Variants in ZFP64 observed in about 807,000 individuals in gnomAD.
ZFP64 encodes ZFP64 zinc finger protein.
A neutral mutation model predicts 51.6 loss-of-function variants in ZFP64; 14 were observed. The observed-to-expected ratio is 0.27, with a 90% confidence interval of 0.18 to 0.42. ZFP64 has a LOEUF of 0.42. Ranked by LOEUF, ZFP64 falls within the 10% of genes least tolerant of loss-of-function variation. The pLI, the probability that ZFP64 is intolerant of heterozygous loss-of-function variation, is 1.00. For missense variants in ZFP64, 754 were observed against 906.8 expected (o/e 0.83, Z 2.16); for synonymous variants, 375 against 361.4 (o/e 1.04, Z -0.43).
intron 5 of ZFP64, among the ~76,000 whole-genome samples, chr20:52,156,696 C>T (rs948934346): frequency 6.6e-6 from 1 of 152,182 alleles, no homozygotes; most frequent in Non-Finnish European, 1.5e-5. Context: ...AAGGGTGACG[C>T]TGTAACAGAA....
intron 5 of ZFP64, among the ~76,000 whole-genome samples, chr20:52,145,426 G>T (rs762087120): frequency 3.0e-4 from 46 of 152,184 alleles, no homozygotes; most frequent in Admixed American, 1.9e-3. Context: ...GCTTAGGTGG[G>T]TGGATCACTT....
chr20:52,142,165 G>A (rs774953410), intron 5 of ZFP64, among the ~76,000 whole-genome samples: 2 of 152,024 alleles, frequency 1.3e-5, no homozygotes, highest in African/African-American at 4.8e-5. Flanking sequence ...TCAGGAGTTC[G>A]AGACCAGTCT....
At chr20:52,146,443 A>G (rs547594185), downstream of ZFP64, among the ~76,000 whole-genome samples, 598 of 151,816 alleles carry the variant, frequency 3.9e-3, 4 homozygotes, top group African/African-American at 0.014. Flanking sequence ...CATGGATGAA[A>G]TTGGAAATCA....
At chr20:52,108,354 T>C (rs1687084662) in intron 5 of ZFP64, among the ~76,000 whole-genome samples, 1 of 152,232 alleles carries the variant, frequency 6.6e-6, no homozygotes, top group African/African-American at 2.4e-5. Context: ...GCATTTTCCA[T>C]GTAGGTATAA....
intron 5 of ZFP64, among the ~76,000 whole-genome samples, chr20:52,158,294 G>A (rs567029068): frequency 6.6e-6 from 1 of 152,276 alleles, no homozygotes; most frequent in South Asian, 2.1e-4. Context: ...GGGAGATCAC[G>A]CAATTGTGGT....
chr20:52,098,690 C>A, intron 5 of ZFP64: 1 of 1,479,748 alleles, frequency 6.8e-7, no homozygotes, highest in Non-Finnish European at 9.2e-7. Flanking sequence ...TTCACCTTTC[C>A]AGAAAAAATT....
chr20:52,167,904 C>A (rs1982413121), intron 2 of ZFP64, among the ~76,000 whole-genome samples: 1 of 152,170 alleles, frequency 6.6e-6, no homozygotes, highest in Non-Finnish European at 1.5e-5. Flanking sequence ...AGTTTGTTTT[C>A]TCTTAAACAC....
chr20:52,089,497 T>G (rs1324994517), intron 7 of ZFP64, among the ~76,000 whole-genome samples: 1 of 152,226 alleles, frequency 6.6e-6, no homozygotes, highest in Non-Finnish European at 1.5e-5. Context: ...TTCCAGTGCT[T>G]TGGGGGGCTG....
chr20:52,177,873 A>G (rs1983346891), intron 2 of ZFP64, among the ~76,000 whole-genome samples: 1 of 152,020 alleles, frequency 6.6e-6, no homozygotes, highest in Non-Finnish European at 1.5e-5. Flanking sequence ...ACTACTAAAA[A>G]ATACAAAAAT....
At chr20:52,099,070 C>T (rs548817238) in intron 5 of ZFP64, among the ~76,000 whole-genome samples, 13 of 150,774 alleles carry the variant, frequency 8.6e-5, no homozygotes, top group Non-Finnish European at 1.2e-4. Flanking sequence ...CCCCTTACTA[C>T]GGTTTCCAAG....
intron 1 of ZFP64, among the ~76,000 whole-genome samples, chr20:52,189,263 G>A (rs1374947194): frequency 6.6e-6 from 1 of 151,786 alleles, no homozygotes; most frequent in Non-Finnish European, 1.5e-5. Flanking sequence ...GGGTGTGGTG[G>A]CACGTGCCAG....
intron 5 of ZFP64, among the ~76,000 whole-genome samples, chr20:52,133,366 C>A (rs1979813352): frequency 6.6e-6 from 1 of 151,408 alleles, no homozygotes; most frequent in Admixed American, 6.6e-5. Flanking sequence ...AGCAATTGGA[C>A]AAGAGAAAGA....
intron 5 of ZFP64, chr20:52,110,619 G>T: frequency 2.1e-6 from 2 of 938,352 alleles, no homozygotes; most frequent in Admixed American, 2.4e-5. Context: ...CAGAGGCCCT[G>T]ATGAACTCCT....
intron 5 of ZFP64, among the ~76,000 whole-genome samples, chr20:52,139,456 C>A (rs1043574998): frequency 2.6e-5 from 4 of 152,048 alleles, no homozygotes; most frequent in Non-Finnish European, 5.9e-5. Flanking sequence ...ACATTGAGTA[C>A]CCGTGGACAC....
At chr20:52,139,362 C>A (rs1980142064) in intron 5 of ZFP64, among the ~76,000 whole-genome samples, 1 of 152,174 alleles carries the variant, frequency 6.6e-6, no homozygotes, top group Admixed American at 6.6e-5. Flanking sequence ...AACATAGATG[C>A]AGCTGGAGGT....
intron 5 of ZFP64, chr20:52,105,507 A>C (rs1978307586): frequency 2.4e-6 from 1 of 416,412 alleles, no homozygotes; most frequent in Non-Finnish European, 3.9e-6. Flanking sequence ...GCTCTACCCC[A>C]GACCCGCTGA....
chr20:52,112,625 T>TTTTTTC (rs1555881122), intron 5 of ZFP64, among the ~76,000 whole-genome samples: 129 of 150,148 alleles, frequency 8.6e-4, no homozygotes, highest in South Asian at 1.9e-3. Context: ...TTTTTTTTTT[T>TTTTTTC]CTTTGTTGGG....
At chr20:52,124,435 C>A (rs912469319) in intron 5 of ZFP64, among the ~76,000 whole-genome samples, 1 of 152,006 alleles carries the variant, frequency 6.6e-6, no homozygotes, top group Non-Finnish European at 1.5e-5. Flanking sequence ...TTACCCTGTG[C>A]ATGTATTACT....
At chr20:52,105,093 C>T (rs1447280685) in intron 5 of ZFP64, 3 of 1,391,212 alleles carry the variant, frequency 2.2e-6, no homozygotes, top group African/African-American at 1.5e-5. Flanking sequence ...TGAGCACCGG[C>T]CCCCAGCCCC....
Sources: gnomAD v4.1 joint callset for allele counts (sites outside exome capture counted in the v4.1 genomes callset) on GRCh38, gnomAD v4.1.1 for gene constraint, MANE v1.5 for transcripts, NCBI Gene and HGNC (gene_info 2026-07-23, HGNC 2026-07-21) for gene names.